Variants in LAPTM4B observed in about 807,000 individuals in gnomAD.
The protein encoded by LAPTM4B is lysosomal protein transmembrane 4 beta.
A neutral mutation model predicts 28.5 loss-of-function variants in LAPTM4B; 26 were observed. The observed-to-expected ratio is 0.91, with a 90% CI of 0.67 to 1.27. The LOEUF is 1.27. LAPTM4B is among the 50% of genes most tolerant of loss of function. The pLI is 0.00. For synonymous variants in LAPTM4B, 109 were observed against 106.4 expected, an observed-to-expected ratio of 1.02 and a Z score of -0.15; for missense variants, 288 against 285.8, an observed-to-expected ratio of 1.01 and a Z score of -0.06.
chr8:97,852,984 A>G lies in LAPTM4B; in HGVS notation c.*1510A>G. ...AAGTAGAAAAAGGTGTAGCCGGCAT[A>G]CAAATGTTATCTACAGTGTATTTTT... On this transcript the variant is annotated 3_prime_UTR_variant, in exon 7 of 7. Coordinates refer to ENST00000521545, the MANE Select transcript of LAPTM4B (RefSeq NM_018407.6). 1.5e-6 allele frequency: 1 copy of G among 664,170 alleles called. No homozygotes were observed. The highest frequency in any genetic ancestry group is 2.4e-6 in the Non-Finnish European group (1 of 417,798). 41.1% of individuals were successfully genotyped at this position (664,170 alleles called of 1,614,324 possible).
chr8:97,826,199 A>T (rs1817088404), intron 6 of LAPTM4B, among the ~76,000 whole-genome samples: 1 of 152,218 alleles, frequency 6.6e-6, no homozygotes, highest in Non-Finnish European at 1.5e-5. Context: ...AGCATGTTAT[A>T]CACTGACAGT....
chr8:97,796,451 T>A (rs1816585777), intron 1 of LAPTM4B, among the ~76,000 whole-genome samples: 2 of 152,228 alleles, frequency 1.3e-5, no homozygotes, highest in Admixed American at 1.3e-4. Context: ...GTTATATCTA[T>A]TTCCAGGTTT....
chr8:97,785,243 G>A (rs552560749), intron 1 of LAPTM4B, among the ~76,000 whole-genome samples: 2 of 152,084 alleles, frequency 1.3e-5, no homozygotes, highest in Admixed American at 6.5e-5. Context: ...AGGCCACCAC[G>A]CCTGGCTTAA....
intron 6 of LAPTM4B, among the ~76,000 whole-genome samples, chr8:97,825,937 G>C (rs1178172682): frequency 6.6e-6 from 1 of 152,212 alleles, no homozygotes; most frequent in Admixed American, 6.5e-5. Context: ...GATAGGATTG[G>C]ACTGGACGGG....
intron 5 of LAPTM4B, among the ~76,000 whole-genome samples, chr8:97,821,764 T>G (rs28442072): frequency 0.096 from 14,666 of 152,026 alleles, 2,370 homozygotes; most frequent in African/African-American, 0.33. Flanking sequence ...GGGCTTAGAT[T>G]GTAGTGCGGC....
chr8:97,815,253 G>A, intron 2 of LAPTM4B, 75 bp from the exon 3 acceptor site: 3 of 1,073,622 alleles, frequency 2.8e-6, no homozygotes, highest in Non-Finnish European at 4.3e-6. Context: ...ATGCCTTTGA[G>A]AAGAGACTGA....
chr8:97,827,064 A>G (rs1462064517), intron 6 of LAPTM4B, among the ~76,000 whole-genome samples: 1 of 152,204 alleles, frequency 6.6e-6, no homozygotes, highest in Admixed American at 6.5e-5. Context: ...CAGAGCAGAG[A>G]ATAATACCCA....
At position 97,800,026 on chromosome 8, in the gene LAPTM4B, T is replaced by C. The variant is rs181642894; in HGVS notation, c.100-5327T>C. ...CTGCAACCCCTGACTGTAACTCTCC[T>C]TAACTTCCATGATTCTTTCTCGGAG... On this transcript the variant is annotated intron_variant, in intron 1 of 6. Transcript: ENST00000521545. Among the ~76,000 whole-genome samples, 388 of 152,354 alleles carry C rather than the reference T, an allele frequency of 2.5e-3. 3 individuals carry two copies. Among genetic ancestry groups the C allele is most frequent in the Non-Finnish European group, 4.3e-3 (290 of 68,036 alleles).
chr8:97,835,909 A>C (rs1370575746), intron 6 of LAPTM4B, among the ~76,000 whole-genome samples: 1 of 152,144 alleles, frequency 6.6e-6, no homozygotes, highest in African/African-American at 2.4e-5. Flanking sequence ...AAGCATTACA[A>C]CCTGAGCACC....
In LAPTM4B at chr8:97,783,072, CT is replaced by C. The variant is rs10605324; in HGVS notation, c.99+6983del. 5.5e-3 allele frequency among the ~76,000 whole-genome samples: 704 copies of C among 127,740 alleles called. 5 individuals are homozygous for C. The highest frequency in any genetic ancestry group is 0.017 in the African/African-American group (594 of 35,120). The allele number at this position is 127,740 out of a possible 152,430, so 83.8% of individuals were successfully genotyped here. A position where few individuals can be genotyped will look rare whatever the true frequency, so the allele number is the denominator to read the frequency against. ...ACAAGTGTGAGCCACCGCGCCCGGC[CT>C]TTTTTTTTTTTTTTTTTTAAATATC... On this transcript the variant is annotated intron_variant, in intron 1 of 6. Transcript: ENST00000521545.
At chr8:97,843,429 A>G (rs1044570367) in intron 6 of LAPTM4B, among the ~76,000 whole-genome samples, 1 of 152,174 alleles carries the variant, frequency 6.6e-6, no homozygotes, top group Non-Finnish European at 1.5e-5. Flanking sequence ...AAACAAAACA[A>G]CACAACAACA....
intron 4 of LAPTM4B, among the ~76,000 whole-genome samples, chr8:97,818,015 G>A (rs974609936): frequency 1.3e-5 from 2 of 151,834 alleles, no homozygotes; most frequent in African/African-American, 2.4e-5. Flanking sequence ...GTTTGACTAT[G>A]TTGTCCAGGC....
Position 97,816,181 on chromosome 8 carries a change from G to A in LAPTM4B, c.408+1G>A. 1 of 1,572,678 alleles carries A rather than the reference G, an allele frequency of 6.4e-7. No individual in the cohort carries two copies. The highest frequency in any genetic ancestry group is 1.7e-4 in the Middle Eastern group (1 of 5,994). ...CATTCAGGAATACATACGGCAACTG[G>A]TACGTGGACCTCTTACTGCTCCTTT... On this transcript the variant is annotated splice_donor_variant, in intron 4 of 6. Coordinates refer to ENST00000521545, the MANE Select transcript of LAPTM4B (RefSeq NM_018407.6). LOFTEE classifies it high-confidence loss of function.
chr8:97,852,951 C>T lies in LAPTM4B; in HGVS notation c.*1477C>T. 2.0e-6 allele frequency: 1 copy of T among 501,008 alleles called. No individual in the cohort carries two copies. The highest frequency in any genetic ancestry group is 3.4e-6 in the Non-Finnish European group (1 of 292,874). The allele number at this position is 501,008 out of a possible 1,614,324, so 31.0% of individuals were successfully genotyped here. ...TTACCATTGGTGTGGGGGAAAAAAG[C>T]CAAACAGAAGTAGAAAAAGGTGTAG... On this transcript the variant is annotated 3_prime_UTR_variant, in exon 7 of 7. Transcript: ENST00000521545.
At position 97,776,060 on chromosome 8, in the gene LAPTM4B, G is replaced by C. The variant is rs199618126; in HGVS notation, c.51G>C (p.Leu17Phe). The C allele has an allele frequency of 3.3e-4, 528 of 1,588,524 alleles. 2 individuals carry two copies. The highest frequency in any genetic ancestry group is 5.2e-4 in the Middle Eastern group (3 of 5,786). The change falls in exon 1 of 7, where the codon TTG becomes TTC. Residue 17 changes from leucine to phenylalanine, a missense_variant. Coordinates refer to ENST00000521545, the MANE Select transcript of LAPTM4B (RefSeq NM_018407.6). Reference sequence around the variant, plus strand: ...GGTTCTACTCCAACAGCTGCTGCTTGTGCTGCCATGTCCGCACCGGCACCA... The same window carrying C: ...GGTTCTACTCCAACAGCTGCTGCTTCTGCTGCCATGTCCGCACCGGCACCA... Reference protein sequence around the residue: ...WTRFYSNSCCLCCHVRTGTIL... With the variant: ...WTRFYSNSCCFCCHVRTGTIL...
intron 6 of LAPTM4B, among the ~76,000 whole-genome samples, chr8:97,845,171 A>G (rs957853462): frequency 2.0e-5 from 3 of 152,136 alleles, no homozygotes; most frequent in Admixed American, 6.5e-5. Context: ...CCGCTGCTTT[A>G]TCCTCCTCGT....
chr8:97,788,392 G>A, intron 1 of LAPTM4B: 1 of 277,232 alleles, frequency 3.6e-6, no homozygotes, highest in Non-Finnish European at 7.4e-6. Context: ...ACACCACGAT[G>A]GTGGAGAAAG....
chr8:97,825,761 T>C (rs1174167990), intron 6 of LAPTM4B, among the ~76,000 whole-genome samples: 1 of 152,240 alleles, frequency 6.6e-6, no homozygotes, highest in Non-Finnish European at 1.5e-5. Context: ...TCTTGAAATT[T>C]CCTGGCTCAT....
At chr8:97,833,752 T>C (rs1202008628) in intron 6 of LAPTM4B, among the ~76,000 whole-genome samples, 2 of 152,338 alleles carry the variant, frequency 1.3e-5, no homozygotes, top group Non-Finnish European at 2.9e-5. Flanking sequence ...AAATAATGTC[T>C]GGTTAACCAT....
Sources: allele counts gnomAD v4.1 joint callset (sites outside exome capture counted in the v4.1 genomes callset), GRCh38; gene constraint gnomAD v4.1.1; transcripts MANE v1.5; gene names NCBI Gene and HGNC (gene_info 2026-07-23, HGNC 2026-07-21).